JARID2: variants seen among roughly 807,000 people sequenced by gnomAD.
JARID2 encodes protein Jumonji.
In JARID2, 21 loss-of-function variants were observed where a neutral mutation model predicts 125.6. The observed-to-expected ratio is 0.17, with a 90% CI of 0.12 to 0.24. JARID2 has a LOEUF of 0.24. Among genes scored for constraint, JARID2 ranks in the 10% least tolerant of loss-of-function variants. The pLI is 1.00. For synonymous variants in JARID2, 736 were observed against 661.6 expected, an observed-to-expected ratio of 1.11 and a Z score of -1.73; for missense variants, 1,303 against 1,639.6, an observed-to-expected ratio of 0.79 and a Z score of 3.55.
chr6:15,445,390 C>T (rs1240876514), intron 3 of JARID2, among the ~76,000 whole-genome samples: 1 of 152,152 alleles, frequency 6.6e-6, no homozygotes, highest in Non-Finnish European at 1.5e-5. Context: ...CATAAAGGTG[C>T]TATATATTTT....
intron 1 of JARID2, among the ~76,000 whole-genome samples, chr6:15,311,856 C>A (rs1021615949): frequency 9.9e-5 from 15 of 151,720 alleles, no homozygotes; most frequent in Non-Finnish European, 2.2e-4. Context: ...CTTTTAACTA[C>A]GTGAAACTGG....
At position 15,374,384 on chromosome 6, in the gene JARID2, G is replaced by A. The variant is rs555299828; in HGVS notation, c.181+132G>A. The A allele has an allele frequency of 5.9e-6, 5 of 850,902 alleles. No homozygotes were observed. In the African/African-American group the frequency reaches 6.7e-5, roughly 11 times the overall value. 52.7% of individuals were successfully genotyped at this position (850,902 alleles called of 1,614,324 possible). On this transcript the variant is annotated intron_variant, in intron 2 of 17. Transcript: ENST00000341776. ...CCTAAAGGCAGTCTGTAGGCTAGGT[G>A]AATCTGCACTGCAGACATCCTGTTG... is the stretch of plus-strand genomic sequence containing the variant.
intron 1 of JARID2, among the ~76,000 whole-genome samples, chr6:15,321,567 AG>A (rs1312316751): frequency 9.2e-5 from 14 of 152,154 alleles, no homozygotes; most frequent in Admixed American, 2.6e-4. Flanking sequence ...ACTGACTGTC[AG>A]GGGGTTTATC....
chr6:15,446,860 C>G (rs957628326), intron 3 of JARID2, among the ~76,000 whole-genome samples: 1 of 152,122 alleles, frequency 6.6e-6, no homozygotes, highest in Admixed American at 6.5e-5. Flanking sequence ...GTGGAGGTGG[C>G]GTGGCATGAC....
intron 3 of JARID2, among the ~76,000 whole-genome samples, chr6:15,411,640 T>G (rs1173912448): frequency 6.6e-6 from 1 of 152,232 alleles, no homozygotes; most frequent in Non-Finnish European, 1.5e-5. Flanking sequence ...GTTTAAAGCA[T>G]GAATTATCAC....
chr6:15,318,786 A>G (rs1762259100), intron 1 of JARID2, among the ~76,000 whole-genome samples: 1 of 152,184 alleles, frequency 6.6e-6, no homozygotes. Flanking sequence ...ATTGCTCAGG[A>G]TGTTATAAAC....
At chr6:15,448,600 T>C (rs890564660) in intron 3 of JARID2, among the ~76,000 whole-genome samples, 5 of 152,214 alleles carry the variant, frequency 3.3e-5, no homozygotes, top group Admixed American at 6.5e-5. Flanking sequence ...AAAATACTTT[T>C]CAGTAGAATT....
chr6:15,398,351 A>G (rs538681537), intron 2 of JARID2, among the ~76,000 whole-genome samples: 1 of 152,334 alleles, frequency 6.6e-6, no homozygotes, highest in African/African-American at 2.4e-5. Context: ...GGATGGAGCA[A>G]AGAAAAGTTC....
chr6:15,295,640 G>A (rs868833826), intron 1 of JARID2, among the ~76,000 whole-genome samples: 2 of 152,014 alleles, frequency 1.3e-5, no homozygotes, highest in Non-Finnish European at 2.9e-5. Flanking sequence ...TACTGAATAG[G>A]CCCTTTGCCA....
At chr6:15,259,479 A>T (rs1170217463) in intron 1 of JARID2, among the ~76,000 whole-genome samples, 1 of 152,218 alleles carries the variant, frequency 6.6e-6, no homozygotes, top group Non-Finnish European at 1.5e-5. Context: ...GAGCTGTGAC[A>T]GCACCAGGCT....
chr6:15,320,126 T>C (rs2127439033), intron 1 of JARID2, among the ~76,000 whole-genome samples: 1 of 152,372 alleles, frequency 6.6e-6, no homozygotes, highest in African/African-American at 2.4e-5. Flanking sequence ...GGTGAGCCGA[T>C]CAGCTTCTGA....
At chr6:15,381,846 T>C (rs1026970721) in intron 2 of JARID2, among the ~76,000 whole-genome samples, 3 of 152,244 alleles carry the variant, frequency 2.0e-5, no homozygotes, top group Non-Finnish European at 2.9e-5. Context: ...CATTATGTTA[T>C]GTATCAGTAA....
At chr6:15,486,064 A>T (rs1015821324) in intron 5 of JARID2, among the ~76,000 whole-genome samples, 1 of 152,152 alleles carries the variant, frequency 6.6e-6, no homozygotes, top group Non-Finnish European at 1.5e-5. Context: ...GCATGAGTGG[A>T]CACAGTAACC....
chr6:15,350,757 CAA>C (rs1419395739), intron 1 of JARID2, among the ~76,000 whole-genome samples: 1 of 101,986 alleles, frequency 9.8e-6, no homozygotes, highest in Non-Finnish European at 2.0e-5. Context: ...TTTGAATTAA[CAA>C]AGGCATAGAA....
intron 1 of JARID2, among the ~76,000 whole-genome samples, chr6:15,282,318 A>C (rs987345421): frequency 6.6e-6 from 1 of 152,160 alleles, no homozygotes; most frequent in African/African-American, 2.4e-5. Flanking sequence ...CTAACAGCAT[A>C]TGAGAGTCTT....
At chr6:15,381,360 A>T (rs1764580708) in intron 2 of JARID2, among the ~76,000 whole-genome samples, 1 of 151,532 alleles carries the variant, frequency 6.6e-6, no homozygotes, top group South Asian at 2.1e-4. Context: ...AAAAAAAAAA[A>T]AAAGTGGCTT....
At chr6:15,435,738 C>A (rs1581561024) in intron 3 of JARID2, among the ~76,000 whole-genome samples, 1 of 146,744 alleles carries the variant, frequency 6.8e-6, no homozygotes, top group Admixed American at 6.6e-5. Flanking sequence ...TAAATAAATA[C>A]ATTTTACTAA....
intron 3 of JARID2, among the ~76,000 whole-genome samples, chr6:15,439,493 T>C (rs1171396674): frequency 6.6e-6 from 1 of 152,184 alleles, no homozygotes. Context: ...GCTGCAGCCT[T>C]CTTTGGAGGG....
chr6:15,320,129 G>A (rs575679425), intron 1 of JARID2, among the ~76,000 whole-genome samples: 6 of 152,328 alleles, frequency 3.9e-5, no homozygotes, highest in African/African-American at 1.4e-4. Context: ...GAGCCGATCA[G>A]CTTCTGATCT....
Sources: gnomAD v4.1 joint callset for allele counts (sites outside exome capture counted in the v4.1 genomes callset) on GRCh38, gnomAD v4.1.1 for gene constraint, MANE v1.5 for transcripts, NCBI Gene and HGNC (gene_info 2026-07-23, HGNC 2026-07-21) for gene names.